AFP: variants seen among roughly 807,000 people sequenced by gnomAD.
The protein encoded by AFP is alpha-fetoprotein.
In AFP, 64 loss-of-function variants were observed where a neutral mutation model predicts 78.9. The ratio of observed to expected loss-of-function variants is 0.81; its 90% CI spans 0.66 to 1.00. The LOEUF (loss-of-function observed/expected upper bound fraction) is 1.00. Ranked by LOEUF, AFP falls within the 50% of genes least tolerant of loss-of-function variation. AFP has a pLI of 0.00. For synonymous variants in AFP, 254 were observed against 243.8 expected, an observed-to-expected ratio of 1.04 and a Z score of -0.39; for missense variants, 689 against 703.8, an observed-to-expected ratio of 0.98 and a Z score of 0.24.
rs6826233 is a variant in AFP at position 73,455,853 on chromosome 4, A to T, written c.*233A>T. On this transcript the variant is annotated 3_prime_UTR_variant, in exon 15 of 15. Coordinates refer to ENST00000395792, the MANE Select transcript of AFP (RefSeq NM_001134.3). Reference sequence around the variant, plus strand: ...TTTTGTATACCATTGTCTGAAGCAGATTCTGTTAAAATAGCATTAAGTGTT... The same window carrying T: ...TTTTGTATACCATTGTCTGAAGCAGTTTCTGTTAAAATAGCATTAAGTGTT... The T allele has an allele frequency of 5.6e-3, 3,176 of 562,726 alleles. 48 individuals are homozygous for T. Among genetic ancestry groups the T allele is most frequent in the African/African-American group, 0.043 (2,244 of 51,996 alleles). The allele number at this position is 562,726 out of a possible 1,614,324, so 34.9% of individuals were successfully genotyped here.
At chr4:73,443,638 C>G (rs1261689463) in intron 6 of AFP, among the ~76,000 whole-genome samples, 194 bp downstream of exon 6, 1 of 152,132 alleles carries the variant, frequency 6.6e-6, no homozygotes, top group Non-Finnish European at 1.5e-5. Flanking sequence ...CAGTTTAACA[C>G]TTACTAAAGC....
Position 73,455,661 on chromosome 4 carries a change from C to G in AFP, c.*41C>G. 1 of 696,096 alleles carries G rather than the reference C, an allele frequency of 1.4e-6. No homozygotes were observed. Among genetic ancestry groups the G allele is most frequent in the Non-Finnish European group, 2.6e-6 (1 of 383,094 alleles). 43.1% of individuals were successfully genotyped at this position (696,096 alleles called of 1,614,324 possible). On this transcript the variant is annotated 3_prime_UTR_variant, in exon 15 of 15. Coordinates refer to ENST00000395792, the MANE Select transcript of AFP (RefSeq NM_001134.3). ...GAGAAGACAAAACGAGTCTTTCATT[C>G]GGTGTGAACTTTTCTCTTTAATTTT...
At chr4:73,442,774 GAAC>G (rs1719707565) in intron 5 of AFP, among the ~76,000 whole-genome samples, 1 of 44,750 alleles carries the variant, frequency 2.2e-5, no homozygotes, top group African/African-American at 8.8e-5. Context: ...AAAAAATGAA[GAAC>G]TATGATAAAT....
chr4:73,440,743 CTTT>C lies in AFP; in HGVS notation c.414_416del (p.Phe139del). 8.1e-6 allele frequency: 13 copies of C among 1,614,184 alleles called. No homozygotes were observed. Among genetic ancestry groups the C allele is most frequent in the Non-Finnish European group, 1.0e-5 (12 of 1,180,034 alleles). On this transcript the variant is annotated inframe_deletion, in exon 4 of 15. Transcript: ENST00000395792. Reference sequence around the variant, plus strand: ...AAAGCCCACTCCAGCATCGATCCCACTTTTCCAAGTTCCAGAACCTGTCACAAG... The same window carrying C: ...AAAGCCCACTCCAGCATCGATCCCACTCCAAGTTCCAGAACCTGTCACAAG...
rs1719965362 is a variant in AFP at position 73,450,643 on chromosome 4, C to G, written c.1318C>G (p.Pro440Ala). 1 of 1,613,984 alleles carries G rather than the reference C, an allele frequency of 6.2e-7. No homozygotes were observed. Among genetic ancestry groups the G allele is most frequent in the African/African-American group, 1.3e-5 (1 of 74,896 alleles). The change falls in exon 11 of 15, where the codon CCC becomes GCC. Residue 440 changes from proline to alanine, a missense_variant. Coordinates refer to ENST00000395792, the MANE Select transcript of AFP (RefSeq NM_001134.3). The part of the protein sequence containing the change: ...AFLVAYTKKA[P>A]QLTSSELMAI... ...TCTCGTTGCTTACACAAAGAAAGCC[C>G]CCCAGCTGACCTCGTCGGAGCTGAT...
chr4:73,446,846 G>T (rs1324392273), intron 7 of AFP, among the ~76,000 whole-genome samples: 2 of 152,122 alleles, frequency 1.3e-5, no homozygotes, highest in African/African-American at 4.8e-5. Context: ...AAATAACATA[G>T]GATTTAGCTT....
chr4:73,455,629 A>G lies in AFP; in HGVS notation c.*11-2A>G, dbSNP rs1359775752. On this transcript the variant is annotated splice_acceptor_variant, in intron 14 of 14. Transcript: ENST00000395792. LOFTEE classifies it low-confidence loss of function (3UTR_SPLICE). ...TTTAATATATTTTTGCTCATATTGCAGGGGAAGAGAAGACAAAACGAGTCT... is the reference window on the plus strand; with the variant it reads ...TTTAATATATTTTTGCTCATATTGCGGGGGAAGAGAAGACAAAACGAGTCT... The G allele has an allele frequency of 1.4e-6, 1 of 693,274 alleles. No homozygotes were observed. Among genetic ancestry groups the G allele is most frequent in the South Asian group, 1.6e-5 (1 of 64,246 alleles). The allele number at this position is 693,274 out of a possible 1,614,324, so 42.9% of individuals were successfully genotyped here.
rs778962034 is a variant in AFP, at chr4:73,443,397, T to C, written c.666T>C (p.His222=). 5.0e-6 allele frequency: 8 copies of C among 1,613,806 alleles called. No homozygotes were observed. In the South Asian group the frequency reaches 5.5e-5, roughly 11 times the overall value. ...GAGAAAGCAGCTTGTTAAATCAACATGCATGTGCAGTAATGAAAAATTTTG... is the reference window on the plus strand; with the variant it reads ...GAGAAAGCAGCTTGTTAAATCAACACGCATGTGCAGTAATGAAAAATTTTG... ...ELRESSLLNQ[H]ACAVMKNFGT... Residue 222 remains histidine, a synonymous_variant, in exon 6 of 15, where the codon CAT becomes CAC. Transcript: ENST00000395792.
rs1719921381 is a variant in AFP, at chr4:73,449,405, T to C, written c.1129T>C (p.Tyr377His). The C allele has an allele frequency of 6.2e-7, 1 of 1,613,474 alleles. No homozygotes were observed. Among genetic ancestry groups the C allele is most frequent in the Non-Finnish European group, 8.5e-7 (1 of 1,179,630 alleles). The change falls in exon 9 of 15, where the codon TAC becomes CAC. Residue 377 changes from tyrosine to histidine, a missense_variant. Physicochemically the swap from Tyr to His is moderately conservative, Grantham distance 83 (BLOSUM62 2). Coordinates refer to ENST00000395792, the MANE Select transcript of AFP (RefSeq NM_001134.3). ...AGTAATTCTAAGAGTTGCTAAAGGA[T>C]ACCAGGAGTTATTGGAGAAGTGTTT... ...VSVILRVAKGYQELLEKCFQT... is the reference protein window; with the variant it reads ...VSVILRVAKGHQELLEKCFQT...
At chr4:73,440,506 G>T in intron 3 of AFP, 96 bp from the exon 4 acceptor site, 1 of 1,020,792 alleles carries the variant, frequency 9.8e-7, no homozygotes, top group Non-Finnish European at 1.5e-6. Flanking sequence ...AGAATCTATA[G>T]TTCTGATTTT....
At chr4:73,436,964 C>T (rs1196812132) in intron 1 of AFP, among the ~76,000 whole-genome samples, 196 bp from the exon 2 acceptor site, 1 of 151,936 alleles carries the variant, frequency 6.6e-6, no homozygotes, top group African/African-American at 2.4e-5. Flanking sequence ...ATAAATTATG[C>T]TTGTTAACTT....
rs1231697674 is a variant in AFP at position 73,455,735 on chromosome 4, T to C, written c.*115T>C. ...ATTAATGAAATGATAAAGACTTTTATGTGAGATTTCCTTATCACAGAAATA... is the reference window on the plus strand; with the variant it reads ...ATTAATGAAATGATAAAGACTTTTACGTGAGATTTCCTTATCACAGAAATA... On this transcript the variant is annotated 3_prime_UTR_variant, in exon 15 of 15. Coordinates refer to ENST00000395792, the MANE Select transcript of AFP (RefSeq NM_001134.3). 1.5e-6 allele frequency: 1 copy of C among 666,870 alleles called. No homozygotes were observed. Among genetic ancestry groups the C allele is most frequent in the East Asian group, 2.8e-5 (1 of 36,340 alleles). 41.3% of individuals were successfully genotyped at this position (666,870 alleles called of 1,614,324 possible). A position where few individuals can be genotyped will look rare whatever the true frequency, so the allele number is the denominator to read the frequency against.
intron 8 of AFP, 83 bp from the exon 9 acceptor site, chr4:73,449,252 T>G: frequency 8.0e-7 from 1 of 1,250,062 alleles, no homozygotes; most frequent in Non-Finnish European, 1.1e-6. Context: ...CATGCCATAT[T>G]ATATAGGAAT....
intron 6 of AFP, 117 bp from the exon 7 acceptor site, chr4:73,444,876 A>G: frequency 3.2e-6 from 3 of 930,316 alleles, no homozygotes; most frequent in Non-Finnish European, 4.7e-6. Flanking sequence ...TTTTTAAACA[A>G]CAAGGGAATT....
chr4:73,436,442 T>G lies in AFP; in HGVS notation c.85+95T>G, dbSNP rs1719508417. On this transcript the variant is annotated intron_variant, in intron 1 of 14. Transcript: ENST00000395792. ...ATTTGTCTTGATTTATTATTCATAT[T>G]TATTATTCCACATGGAGAAAAAATA... 1.6e-5 allele frequency: 11 copies of G among 708,258 alleles called. No homozygotes were observed. The South Asian group carries it at 2.2e-4, about 14-fold the overall frequency. The allele number at this position is 708,258 out of a possible 1,614,324, so 43.9% of individuals were successfully genotyped here. A position where few individuals can be genotyped will look rare whatever the true frequency, so the allele number is the denominator to read the frequency against.
chr4:73,437,401 T>C (rs950142232), intron 2 of AFP, among the ~76,000 whole-genome samples, 190 bp downstream of exon 2: 20 of 152,068 alleles, frequency 1.3e-4, no homozygotes, highest in African/African-American at 4.3e-4. Flanking sequence ...GTCTTCGACA[T>C]TGACCTTTTG....
chr4:73,446,923 G>C (rs1052198445), intron 7 of AFP, among the ~76,000 whole-genome samples: 15 of 152,192 alleles, frequency 9.9e-5, no homozygotes, highest in Non-Finnish European at 2.9e-5. Flanking sequence ...CAAAAGTGGG[G>C]AGAAAGCACT....
chr4:73,437,281 G>T, intron 2 of AFP, 70 bp downstream of exon 2: 7 of 1,323,410 alleles, frequency 5.3e-6, no homozygotes, highest in Non-Finnish European at 7.6e-6. Context: ...AAATAAAATT[G>T]GGTACCCCTG....
rs781117277 is a variant in AFP, at chr4:73,436,248, A to G, written c.-15A>G. On this transcript the variant is annotated 5_prime_UTR_variant, in exon 1 of 15. Transcript: ENST00000395792. ...TGTGCTTCCACCACTGCCAATAACAAAATAACTAGCAACCATGAAGTGGGT... is the reference window on the plus strand; with the variant it reads ...TGTGCTTCCACCACTGCCAATAACAGAATAACTAGCAACCATGAAGTGGGT... 5.7e-6 allele frequency: 9 copies of G among 1,571,120 alleles called. No individual in the cohort carries two copies. The highest frequency in any genetic ancestry group is 7.9e-6 in the Non-Finnish European group (9 of 1,142,316).
Sources: allele counts gnomAD v4.1 joint callset (sites outside exome capture counted in the v4.1 genomes callset), GRCh38; gene constraint gnomAD v4.1.1; transcripts MANE v1.5; gene names NCBI Gene and HGNC (gene_info 2026-07-23, HGNC 2026-07-21).